Variants in WDR70 observed in about 807,000 individuals in gnomAD.
WDR70 encodes the protein WD repeat-containing protein 70.
Under a neutral mutation model 88.6 loss-of-function variants are expected in WDR70, and 53 were observed. That is an observed-to-expected ratio of 0.60 (90% confidence interval 0.48 to 0.75). The LOEUF (loss-of-function observed/expected upper bound fraction) is 0.75, where lower values mean the gene tolerates loss of function less well. WDR70 is among the 30% of genes least tolerant of loss of function. The pLI, the probability that WDR70 is intolerant of heterozygous loss-of-function variation, is 0.00. For synonymous variants in WDR70, 280 were observed against 270.0 expected, an observed-to-expected ratio of 1.04 and a Z score of -0.36; for missense variants, 610 against 823.2, an observed-to-expected ratio of 0.74 and a Z score of 3.17.
chr5:37,678,438 A>G (rs13159938), intron 10 of WDR70, among the ~76,000 whole-genome samples: 6,091 of 152,202 alleles, frequency 0.04, 162 homozygotes, highest in Non-Finnish European at 0.064. Flanking sequence ...TGGTGACAAA[A>G]TCTGTCAGCA....
intron 5 of WDR70, among the ~76,000 whole-genome samples, chr5:37,405,772 G>T (rs1370801522): frequency 6.6e-6 from 1 of 151,988 alleles, no homozygotes; most frequent in African/African-American, 2.4e-5. Flanking sequence ...TGGACTGGTC[G>T]CAGTGGCTCA....
At chr5:37,645,444 T>A (rs1213283335) in intron 10 of WDR70, among the ~76,000 whole-genome samples, 1 of 152,092 alleles carries the variant, frequency 6.6e-6, no homozygotes, top group East Asian at 1.9e-4. Flanking sequence ...GCATATCTGT[T>A]CTGCAGCCAT....
intron 9 of WDR70, among the ~76,000 whole-genome samples, chr5:37,530,872 A>G (rs1051580042): frequency 6.7e-6 from 1 of 148,824 alleles, no homozygotes; most frequent in Non-Finnish European, 1.5e-5. Flanking sequence ...CTCCAGTTCC[A>G]TGAGGCGTGA....
At chr5:37,430,086 A>G (rs981317508) in intron 5 of WDR70, among the ~76,000 whole-genome samples, 1 of 152,200 alleles carries the variant, frequency 6.6e-6, no homozygotes, top group Non-Finnish European at 1.5e-5. Context: ...CTAAGTTTTA[A>G]TGTTTTTTGT....
chr5:37,391,587 T>C (rs1285201881), intron 3 of WDR70, among the ~76,000 whole-genome samples: 1 of 152,270 alleles, frequency 6.6e-6, no homozygotes, highest in East Asian at 1.9e-4. Context: ...TTGTAGCATA[T>C]TGCAGAATCT....
intron 10 of WDR70, among the ~76,000 whole-genome samples, chr5:37,607,922 T>A (rs889919652): frequency 2.6e-5 from 4 of 152,186 alleles, no homozygotes; most frequent in Admixed American, 2.6e-4. Flanking sequence ...GCAAGGCATC[T>A]ATTGCCTTGT....
chr5:37,388,450 A>G (rs1255456498), intron 3 of WDR70, among the ~76,000 whole-genome samples: 1 of 136,396 alleles, frequency 7.3e-6, no homozygotes, highest in African/African-American at 2.8e-5. Flanking sequence ...TAGAAGTGTT[A>G]CACTAGGCTG....
At chr5:37,410,369 T>C (rs565785077) in intron 5 of WDR70, among the ~76,000 whole-genome samples, 2 of 152,000 alleles carry the variant, frequency 1.3e-5, no homozygotes, top group South Asian at 4.1e-4. Flanking sequence ...TGAGTACTGA[T>C]GAAAACTTTA....
At chr5:37,443,146 A>G in intron 6 of WDR70, 93 bp from the exon 7 acceptor site, 1 of 1,392,596 alleles carries the variant, frequency 7.2e-7, no homozygotes, top group South Asian at 1.4e-5. Flanking sequence ...GTCCTATAAC[A>G]TAGGGGGTGG....
At chr5:37,515,058 C>A (rs1300528109) in intron 8 of WDR70, among the ~76,000 whole-genome samples, 3 of 148,566 alleles carry the variant, frequency 2.0e-5, no homozygotes, top group Non-Finnish European at 3.0e-5. Context: ...AGACTAATAA[C>A]AAACCTGTTA....
At chr5:37,562,361 A>AG (rs1217783781) in intron 9 of WDR70, among the ~76,000 whole-genome samples, 1 of 152,192 alleles carries the variant, frequency 6.6e-6, no homozygotes, top group African/African-American at 2.4e-5. Flanking sequence ...GTGTCTCAAA[A>AG]GAAAAAAAAA....
chr5:37,606,211 G>C (rs1744026363), intron 10 of WDR70, among the ~76,000 whole-genome samples: 1 of 152,140 alleles, frequency 6.6e-6, no homozygotes. Context: ...AGGTTAAAAA[G>C]TGTTGATAGA....
chr5:37,550,282 C>G (rs748202106), intron 9 of WDR70, among the ~76,000 whole-genome samples: 1 of 152,152 alleles, frequency 6.6e-6, no homozygotes, highest in Non-Finnish European at 1.5e-5. Flanking sequence ...TGTATAGTTT[C>G]CAAAATTATT....
In WDR70 at chr5:37,516,565, G is replaced by A. The variant is rs1740890534; in HGVS notation, c.892G>A (p.Glu298Lys). Residue 298 changes from glutamate (E) to lysine (K), a missense_variant, in exon 9 of 18, where the codon GAA becomes AAA. Coordinates refer to ENST00000265107, the MANE Select transcript of WDR70 (RefSeq NM_018034.4). ...CTCATGGCATCCCAAAATAAAGGGAGAATTTATGACTTGCTCAAATGATGC... is the reference window on the plus strand; with the variant it reads ...CTCATGGCATCCCAAAATAAAGGGAAAATTTATGACTTGCTCAAATGATGC... ...TGSWHPKIKG[E>K]FMTCSNDATV... The A allele has an allele frequency of 1.9e-6, 3 of 1,606,444 alleles. No individual in the cohort carries two copies. The highest frequency in any genetic ancestry group is 2.6e-6 in the Non-Finnish European group (3 of 1,174,922).
intron 9 of WDR70, among the ~76,000 whole-genome samples, chr5:37,564,018 C>G (rs989261860): frequency 6.0e-5 from 9 of 149,834 alleles, no homozygotes; most frequent in African/African-American, 1.7e-4. Context: ...GGCGGCCGGG[C>G]AGAGACGCTC....
intron 10 of WDR70, among the ~76,000 whole-genome samples, chr5:37,683,145 A>T (rs924026735): frequency 1.8e-4 from 28 of 152,156 alleles, no homozygotes; most frequent in Non-Finnish European, 2.9e-5. Flanking sequence ...TTTGTCTGAA[A>T]TTAGGATTGC....
At chr5:37,597,892 T>C (rs1374581046) in intron 9 of WDR70, among the ~76,000 whole-genome samples, 1 of 152,262 alleles carries the variant, frequency 6.6e-6, no homozygotes, top group Non-Finnish European at 1.5e-5. Flanking sequence ...AGGGATTGTA[T>C]TTAAGAAATC....
chr5:37,527,458 C>T (rs1741320411), intron 9 of WDR70, among the ~76,000 whole-genome samples: 1 of 152,154 alleles, frequency 6.6e-6, no homozygotes, highest in Admixed American at 6.5e-5. Context: ...GGATCCCTTC[C>T]TTATACCTTA....
In WDR70 at chr5:37,466,200, G is replaced by A. The variant is rs1330889324; in HGVS notation, c.687-13634G>A. The stretch of plus-strand genomic sequence containing the variant: ...AGTACTGGTAGCATTATTATCCAAT[G>A]GACTTTTATAGCTTTCATTAGGTTT... On this transcript the variant is annotated intron_variant, in intron 7 of 17. Coordinates refer to ENST00000265107, the MANE Select transcript of WDR70 (RefSeq NM_018034.4). Among the ~76,000 whole-genome samples, 8 of 152,226 alleles carry A rather than the reference G, an allele frequency of 5.3e-5. 1 individual carries two copies. The East Asian group carries it at 1.5e-3, about 29-fold the overall frequency.
Sources: allele counts gnomAD v4.1 joint callset (sites outside exome capture counted in the v4.1 genomes callset), GRCh38; gene constraint gnomAD v4.1.1; transcripts MANE v1.5; gene names NCBI Gene and HGNC (gene_info 2026-07-23, HGNC 2026-07-21).